Variants in WDR70 observed in about 807,000 individuals in gnomAD.
WDR70 encodes the protein WD repeat-containing protein 70.
In WDR70, 53 loss-of-function variants were observed where a neutral mutation model predicts 88.6. The ratio of observed to expected loss-of-function variants is 0.60; its 90% CI spans 0.48 to 0.75. The LOEUF (loss-of-function observed/expected upper bound fraction) is 0.75, where lower values mean the gene tolerates loss of function less well. Among genes scored for constraint, WDR70 ranks in the 30% least tolerant of loss-of-function variants. The pLI is 0.00. For synonymous variants in WDR70, 280 were observed against 270.0 expected, an observed-to-expected ratio of 1.04 and a Z score of -0.36; for missense variants, 610 against 823.2, an observed-to-expected ratio of 0.74 and a Z score of 3.17.
chr5:37,708,602 G>A (rs1271703217), intron 13 of WDR70, among the ~76,000 whole-genome samples: 1 of 152,104 alleles, frequency 6.6e-6, no homozygotes, highest in Non-Finnish European at 1.5e-5. Context: ...AGAGATTGAA[G>A]AGGAAGACTA....
rs770687137 is a variant in WDR70 at position 37,379,436 on chromosome 5, G to A, written c.25+44G>A. On this transcript the variant is annotated intron_variant, in intron 1 of 17. Coordinates refer to ENST00000265107, the MANE Select transcript of WDR70 (RefSeq NM_018034.4). ...GTCCGGGCGGGGTGGGCCGTGTCGG[G>A]GGAGCTGGGGCGCCGCACTAACTAG... 4 of 1,613,648 alleles carry A rather than the reference G, an allele frequency of 2.5e-6. No homozygotes were observed. In the African/African-American group the frequency reaches 5.3e-5, roughly 22 times the overall value.
chr5:37,418,068 C>T (rs1193722452), intron 5 of WDR70, among the ~76,000 whole-genome samples: 1 of 152,074 alleles, frequency 6.6e-6, no homozygotes, highest in East Asian at 1.9e-4. Flanking sequence ...AGAAAATTGA[C>T]AAGAATGATA....
intron 9 of WDR70, among the ~76,000 whole-genome samples, chr5:37,587,601 C>T (rs1303728530): frequency 6.6e-6 from 1 of 151,926 alleles, no homozygotes; most frequent in Non-Finnish European, 1.5e-5. Context: ...CCTCTCTTCC[C>T]CATTAGGTTA....
chr5:37,440,472 A>G (rs1362474640), intron 6 of WDR70, among the ~76,000 whole-genome samples: 3 of 152,034 alleles, frequency 2.0e-5, no homozygotes, highest in Non-Finnish European at 4.4e-5. Flanking sequence ...CAGCCTCCCG[A>G]GTAGCTGGGA....
chr5:37,401,380 A>G (rs1361743555), intron 5 of WDR70, among the ~76,000 whole-genome samples: 3 of 149,222 alleles, frequency 2.0e-5, no homozygotes, highest in Admixed American at 6.7e-5. Context: ...CAGTGGTGCA[A>G]TCTCGGCTCA....
intron 10 of WDR70, among the ~76,000 whole-genome samples, chr5:37,611,780 C>G (rs1268168996): frequency 9.2e-6 from 1 of 109,262 alleles, no homozygotes; most frequent in African/African-American, 4.2e-5. Context: ...TTGATTTCAG[C>G]CTTTTTTTTT....
chr5:37,592,718 A>T (rs1009031078), intron 9 of WDR70, among the ~76,000 whole-genome samples: 8 of 152,240 alleles, frequency 5.3e-5, no homozygotes, highest in Admixed American at 5.2e-4. Context: ...CCTGTGCTTG[A>T]GAAAAAAGCA....
intron 5 of WDR70, among the ~76,000 whole-genome samples, chr5:37,402,130 T>C (rs1203317773): frequency 6.6e-6 from 1 of 152,204 alleles, no homozygotes; most frequent in East Asian, 1.9e-4. Flanking sequence ...TACTATTCTC[T>C]CCACTTTTAT....
chr5:37,582,771 G>T (rs140860648), intron 9 of WDR70, among the ~76,000 whole-genome samples: 1 of 152,210 alleles, frequency 6.6e-6, no homozygotes, highest in African/African-American at 2.4e-5. Context: ...TGTAAGCAAC[G>T]AGCATCTCTG....
At chr5:37,595,541 A>G (rs543026559) in intron 9 of WDR70, among the ~76,000 whole-genome samples, 1 of 152,304 alleles carries the variant, frequency 6.6e-6, no homozygotes, top group African/African-American at 2.4e-5. Flanking sequence ...ATTTAATGTA[A>G]TCTCAATTAA....
intron 17 of WDR70, among the ~76,000 whole-genome samples, chr5:37,741,550 G>T (rs1351169490): frequency 6.6e-6 from 1 of 152,098 alleles, no homozygotes; most frequent in Non-Finnish European, 1.5e-5. Flanking sequence ...CTTATAAGGA[G>T]CTCACAACCT....
intron 9 of WDR70, among the ~76,000 whole-genome samples, chr5:37,531,313 T>C (rs1332818340): frequency 1.3e-5 from 2 of 152,084 alleles, no homozygotes; most frequent in African/African-American, 4.8e-5. Flanking sequence ...ATTTGTTGTA[T>C]AGTTTAAGTC....
chr5:37,585,082 C>G (rs1263874435), intron 9 of WDR70, among the ~76,000 whole-genome samples: 1 of 149,658 alleles, frequency 6.7e-6, no homozygotes, highest in African/African-American at 2.5e-5. Flanking sequence ...CCTCTGCCTC[C>G]CAGGTTCAAG....
At chr5:37,413,831 T>C (rs902960675) in intron 5 of WDR70, among the ~76,000 whole-genome samples, 1 of 151,726 alleles carries the variant, frequency 6.6e-6, no homozygotes, top group African/African-American at 2.4e-5. Flanking sequence ...ATCATTAGTC[T>C]AATCCAAACT....
At chr5:37,675,696 C>T (rs1160964639) in intron 10 of WDR70, among the ~76,000 whole-genome samples, 5 of 152,058 alleles carry the variant, frequency 3.3e-5, no homozygotes, top group South Asian at 4.1e-4. Context: ...CTTTTGGCTT[C>T]GGATTGCCTT....
chr5:37,613,196 G>T (rs907919392), intron 10 of WDR70, among the ~76,000 whole-genome samples: 2 of 152,110 alleles, frequency 1.3e-5, no homozygotes, highest in African/African-American at 2.4e-5. Context: ...TATTATCCTT[G>T]TTTTTTAAGA....
Position 37,381,419 on chromosome 5 carries a change from G to C in WDR70, c.92-183G>C, listed in dbSNP as rs571881958. ...AAAGTTGCCTGGTTAATAGTACTTAGTGAAGGGATTGTCAGCAGAAGTTTT... is the reference window on the plus strand; with the variant it reads ...AAAGTTGCCTGGTTAATAGTACTTACTGAAGGGATTGTCAGCAGAAGTTTT... On this transcript the variant is annotated intron_variant, in intron 2 of 17. Transcript: ENST00000265107. Among the ~76,000 whole-genome samples, 17 of 152,302 alleles carry C rather than the reference G, an allele frequency of 1.1e-4. No individual in the cohort carries two copies. In the South Asian group the frequency reaches 3.5e-3, roughly 32 times the overall value.
At chr5:37,421,624 T>C (rs1749949410) in intron 5 of WDR70, among the ~76,000 whole-genome samples, 1 of 152,182 alleles carries the variant, frequency 6.6e-6, no homozygotes, top group Non-Finnish European at 1.5e-5. Flanking sequence ...GTAACAGAAC[T>C]GTGGAGATAT....
At chr5:37,511,393 G>A (rs554641188) in intron 8 of WDR70, among the ~76,000 whole-genome samples, 4 of 151,740 alleles carry the variant, frequency 2.6e-5, no homozygotes, top group South Asian at 4.2e-4. Context: ...GCTCTTCAAC[G>A]TGTGCTTTAT....
Sources: gnomAD v4.1 joint callset for allele counts (sites outside exome capture counted in the v4.1 genomes callset) on GRCh38, gnomAD v4.1.1 for gene constraint, MANE v1.5 for transcripts, NCBI Gene and HGNC (gene_info 2026-07-23, HGNC 2026-07-21) for gene names.